The following MCUB variants were observed in gnomAD, a reference collection of about 807,000 sequenced individuals.
The protein encoded by MCUB is mitochondrial calcium uniporter dominant negative subunit beta.
A neutral mutation model predicts 41.4 loss-of-function variants in MCUB; 46 were observed. The ratio of observed to expected loss-of-function variants is 1.11; its 90% confidence interval spans 0.88 to 1.42. The LOEUF is 1.42. MCUB is among the 40% of genes most tolerant of loss of function. The probability of loss-of-function intolerance (pLI) is 0.00; values close to 1 mark genes in which losing one functional copy is unlikely to be tolerated. For synonymous variants in MCUB, 148 were observed against 148.2 expected (o/e 1.00, Z 0.01); for missense variants, 403 against 404.9 (o/e 1.00, Z 0.04).
chr4:109,606,209 C>T (rs936342632), intron 1 of MCUB, among the ~76,000 whole-genome samples: 2 of 152,068 alleles, frequency 1.3e-5, no homozygotes, highest in Non-Finnish European at 2.9e-5. Context: ...CTCCTGACCT[C>T]GTGATCCACC....
intron 4 of MCUB, among the ~76,000 whole-genome samples, chr4:109,679,136 C>T (rs182256167): frequency 0.011 from 1,657 of 149,696 alleles, 37 homozygotes; most frequent in African/African-American, 0.038. Context: ...ACGGGATGGC[C>T]GGGCAGAGGT....
intron 4 of MCUB, among the ~76,000 whole-genome samples, chr4:109,677,994 T>C (rs1023810194): frequency 2.6e-5 from 4 of 151,938 alleles, no homozygotes; most frequent in African/African-American, 9.7e-5. Flanking sequence ...CCCTGGGTAC[T>C]TGAGATTAGG....
chr4:109,583,540 C>T (rs1377371928), intron 1 of MCUB, among the ~76,000 whole-genome samples: 2 of 152,112 alleles, frequency 1.3e-5, no homozygotes, highest in African/African-American at 2.4e-5. Flanking sequence ...TTTTCCTAAT[C>T]GAATACACTT....
In MCUB at chr4:109,634,715, A is replaced by G. The variant is rs1438974997; in HGVS notation, c.100-24296A>G. On this transcript the variant is annotated intron_variant, in intron 1 of 7. Transcript: ENST00000394650. ...CTGTATTCCATCTGATGAAGATGCC[A>G]TTATTTATTCATTGTGTGGTAGAAG... Among the ~76,000 whole-genome samples the G allele has an allele frequency of 2.0e-5, 3 of 152,166 alleles. No homozygotes were observed. The East Asian group carries it at 5.8e-4, about 29-fold the overall frequency.
In MCUB at chr4:109,583,125, T is replaced by C. The variant is rs574118964; in HGVS notation, c.99+22689T>C. On this transcript the variant is annotated intron_variant, in intron 1 of 7. Coordinates refer to ENST00000394650, the MANE Select transcript of MCUB (RefSeq NM_017918.5). ...AAAGTCATTGATAGCTTGATGGGTA[T>C]GGCATTGAATCTATAAATTACCTTG... Among the ~76,000 whole-genome samples the C allele has an allele frequency of 6.1e-4, 93 of 152,342 alleles. 1 individual carries two copies. Among genetic ancestry groups the C allele is most frequent in the African/African-American group, 2.0e-3 (84 of 41,576 alleles).
At chr4:109,633,801 C>G (rs1215785642) in intron 1 of MCUB, among the ~76,000 whole-genome samples, 2 of 152,188 alleles carry the variant, frequency 1.3e-5, no homozygotes, top group East Asian at 3.9e-4. Context: ...TCCTTTGAGA[C>G]CGTGCTTGAC....
chr4:109,661,985 A>C (rs1729240401), intron 3 of MCUB, among the ~76,000 whole-genome samples: 1 of 152,168 alleles, frequency 6.6e-6, no homozygotes, highest in African/African-American at 2.4e-5. Flanking sequence ...GTGGTCCGAG[A>C]TGGCACCACT....
In MCUB at chr4:109,578,631, CT is replaced by C. The variant is rs1385521648; in HGVS notation, c.99+18196del. On this transcript the variant is annotated intron_variant, in intron 1 of 7. Coordinates refer to ENST00000394650, the MANE Select transcript of MCUB (RefSeq NM_017918.5). ...CCTTCTGCCTCAGTCTCCCAGATAG[CT>C]GGGACTACAGGTGTGCACCACCATG... 3.3e-5 allele frequency among the ~76,000 whole-genome samples: 5 copies of C among 152,118 alleles called. No individual in the cohort carries two copies. In the East Asian group the frequency reaches 9.6e-4, roughly 29 times the overall value.
At chr4:109,604,576 G>A (rs765013619) in intron 1 of MCUB, among the ~76,000 whole-genome samples, 5 of 152,074 alleles carry the variant, frequency 3.3e-5, no homozygotes, top group African/African-American at 9.7e-5. Context: ...TGGTGAAAGT[G>A]GGCATCCTTG....
At position 109,656,381 on chromosome 4, in the gene MCUB, TTTTTTTTTTTTG is replaced by T. The variant is rs1408870478; in HGVS notation, c.100-2629_100-2618del. 1.3e-3 allele frequency among the ~76,000 whole-genome samples: 35 copies of T among 27,520 alleles called. 1 individual carries two copies. Among genetic ancestry groups the T allele is most frequent in the African/African-American group, 5.2e-3 (26 of 4,986 alleles). 18.1% of individuals were successfully genotyped at this position (27,520 alleles called of 152,430 possible). A position where few individuals can be genotyped will look rare whatever the true frequency, so the allele number is the denominator to read the frequency against. Reference sequence around the variant, plus strand: ...TTTTTTTTTTTTTTTTTTTTTTTTTTTTTTTTTTTTTGGAGACAGGGTTTCCCTCTGTGGCCC... The same window carrying T: ...TTTTTTTTTTTTTTTTTTTTTTTTTTGAGACAGGGTTTCCCTCTGTGGCCC... On this transcript the variant is annotated intron_variant, in intron 1 of 7. Transcript: ENST00000394650.
intron 1 of MCUB, among the ~76,000 whole-genome samples, chr4:109,591,174 AT>A (rs1727427809): frequency 6.6e-6 from 1 of 151,196 alleles, no homozygotes; most frequent in Non-Finnish European, 1.5e-5. Flanking sequence ...CTCATGTTAA[AT>A]GTTAAAATTC....
At position 109,577,447 on chromosome 4, in the gene MCUB, G is replaced by A. The variant is rs200575022; in HGVS notation, c.99+17011G>A. 5.9e-3 allele frequency among the ~76,000 whole-genome samples: 891 copies of A among 152,196 alleles called. 29 individuals carry two copies. In the South Asian group the frequency reaches 0.072, roughly 12 times the overall value. ...GTCCCCCTCACTTCTGGGAGTCCTG[G>A]GAAATAGGTACTGATATTACCCTGT... On this transcript the variant is annotated intron_variant, in intron 1 of 7. Coordinates refer to ENST00000394650, the MANE Select transcript of MCUB (RefSeq NM_017918.5).
chr4:109,580,772 A>G (rs1370459494), intron 1 of MCUB, among the ~76,000 whole-genome samples: 2 of 152,160 alleles, frequency 1.3e-5, no homozygotes, highest in Non-Finnish European at 2.9e-5. Flanking sequence ...GATTCTGGAT[A>G]TTAGCCCTTT....
At chr4:109,579,183 T>A (rs893105944) in intron 1 of MCUB, among the ~76,000 whole-genome samples, 4 of 152,216 alleles carry the variant, frequency 2.6e-5, no homozygotes, top group African/African-American at 9.6e-5. Flanking sequence ...GATTTGAAAC[T>A]CAGAAGTGTA....
At chr4:109,612,492 C>G (rs1157250979) in intron 1 of MCUB, among the ~76,000 whole-genome samples, 1 of 151,996 alleles carries the variant, frequency 6.6e-6, no homozygotes, top group Non-Finnish European at 1.5e-5. Flanking sequence ...TCTTGAACTC[C>G]TGACCTCAGG....
At chr4:109,670,844 C>T (rs1281006998) in intron 4 of MCUB, among the ~76,000 whole-genome samples, 1 of 152,036 alleles carries the variant, frequency 6.6e-6, no homozygotes, top group Admixed American at 6.6e-5. Context: ...TCTAGTAGAG[C>T]TCCTAGAAGT....
At position 109,570,577 on chromosome 4, in the gene MCUB, T is replaced by C. The variant is rs1379520213; in HGVS notation, c.99+10141T>C. 2.0e-5 allele frequency among the ~76,000 whole-genome samples: 3 copies of C among 152,258 alleles called. No homozygotes were observed. The East Asian group carries it at 5.8e-4, about 29-fold the overall frequency. On this transcript the variant is annotated intron_variant, in intron 1 of 7. Coordinates refer to ENST00000394650, the MANE Select transcript of MCUB (RefSeq NM_017918.5). ...GTACCTAAATGAATAAGCATGGTTG[T>C]GTTCCAATAAACTTTATTTTCAGAA...
chr4:109,650,371 C>T (rs1437709151), intron 1 of MCUB, among the ~76,000 whole-genome samples: 1 of 152,128 alleles, frequency 6.6e-6, no homozygotes, highest in African/African-American at 2.4e-5. Flanking sequence ...ACCATAGTTT[C>T]CTACTGGCAT....
chr4:109,639,908 T>C (rs1404046492), intron 1 of MCUB, among the ~76,000 whole-genome samples: 2 of 152,176 alleles, frequency 1.3e-5, no homozygotes, highest in Admixed American at 1.3e-4. Flanking sequence ...GCCTGTCCTT[T>C]GAAGCTTTGA....
Sources: allele counts gnomAD v4.1 joint callset (sites outside exome capture counted in the v4.1 genomes callset), GRCh38; gene constraint gnomAD v4.1.1; transcripts MANE v1.5; gene names NCBI Gene and HGNC (gene_info 2026-07-23, HGNC 2026-07-21).